The following ABCC1 variants were observed in gnomAD, a reference collection of about 807,000 sequenced individuals.
ABCC1 encodes multidrug resistance-associated protein 1.
Under a neutral mutation model 172.9 loss-of-function variants are expected in ABCC1, and 83 were observed. That is an observed-to-expected ratio of 0.48 (90% CI 0.40 to 0.58). The LOEUF is 0.58. Ranked by LOEUF, ABCC1 falls within the 20% of genes least tolerant of loss-of-function variation. The probability of loss-of-function intolerance (pLI) is 0.00; values close to 1 mark genes in which losing one functional copy is unlikely to be tolerated. For synonymous variants in ABCC1, 937 were observed against 825.2 expected (o/e 1.14, Z -2.32); for missense variants, 1,817 against 2,002.7 (o/e 0.91, Z 1.77).
chr16:16,113,307 G>C (rs1336082349), intron 22 of ABCC1, among the ~76,000 whole-genome samples: 2 of 152,164 alleles, frequency 1.3e-5, no homozygotes, highest in Admixed American at 6.6e-5. Flanking sequence ...CCAGAGCTGT[G>C]CTGTCTGGTG....
chr16:16,111,795 A>G (rs1596521447), intron 22 of ABCC1, among the ~76,000 whole-genome samples: 1 of 152,270 alleles, frequency 6.6e-6, no homozygotes, highest in Middle Eastern at 3.4e-3. Flanking sequence ...GGTAGACGGG[A>G]GGAGTGCTCC....
At chr16:16,083,244 T>C (rs2050874068) in intron 16 of ABCC1, 122 bp from the exon 17 acceptor site, 3 of 986,808 alleles carry the variant, frequency 3.0e-6, no homozygotes, top group Middle Eastern at 6.6e-4. Flanking sequence ...GCCAAAGCAA[T>C]AGTTGTGATG....
intron 5 of ABCC1, among the ~76,000 whole-genome samples, chr16:16,024,008 T>A (rs1360533499): frequency 6.6e-6 from 1 of 151,966 alleles, no homozygotes; most frequent in African/African-American, 2.4e-5. Flanking sequence ...CACCTGAGAC[T>A]AGGAGCTCAA....
intron 5 of ABCC1, among the ~76,000 whole-genome samples, chr16:16,027,105 G>A (rs868364390): frequency 3.3e-5 from 5 of 152,104 alleles, no homozygotes; most frequent in Non-Finnish European, 7.4e-5. Flanking sequence ...TCTATCCTGC[G>A]TGTTGATGCC....
Position 16,090,564 on chromosome 16 carries a change from C to A in ABCC1, c.2620C>A (p.Gln874Lys). The change falls in exon 19 of 31, where the codon CAG becomes AAG. Residue 874 changes from glutamine (Q) to lysine (K), a missense_variant. Transcript: ENST00000399410. The stretch of plus-strand genomic sequence containing the variant: ...CCTGCGTACCTATGCCAGCACAGAG[C>A]AGGAGCAGGATGCAGAGGAGAACGG... ...EFLRTYASTE[Q>K]EQDAEENGVT... The A allele has an allele frequency of 6.2e-7, 1 of 1,608,750 alleles. No individual in the cohort carries two copies. The highest frequency in any genetic ancestry group is 8.5e-7 in the Non-Finnish European group (1 of 1,176,396).
rs551889832 is a variant in ABCC1, at chr16:16,126,040, C to T, written c.3819+129C>T. The T allele has an allele frequency of 1.2e-4, 68 of 585,786 alleles. No individual in the cohort carries two copies. In the South Asian group the frequency reaches 1.8e-3, roughly 16 times the overall value. 36.3% of individuals were successfully genotyped at this position (585,786 alleles called of 1,614,324 possible). A position where few individuals can be genotyped will look rare whatever the true frequency, so the allele number is the denominator to read the frequency against. On this transcript the variant is annotated intron_variant, in intron 26 of 30. Coordinates refer to ENST00000399410, the MANE Select transcript of ABCC1 (RefSeq NM_004996.4). The stretch of plus-strand genomic sequence containing the variant: ...CTCACCAGGTAGAAGTGCATCTTAA[C>T]GCTTGTCCAGTCTTTTTGCAGCACT...
chr16:16,059,462 A>T lies in ABCC1; in HGVS notation c.1677+3167A>T, dbSNP rs902718492. Among the ~76,000 whole-genome samples the T allele has an allele frequency of 2.6e-5, 4 of 152,110 alleles. No individual in the cohort carries two copies. In the East Asian group the frequency reaches 5.8e-4, roughly 22 times the overall value. ...AGACACCAAAATTTGAATTTTATAG[A>T]ATTTGCATGTGTCATGTAATATTGT... On this transcript the variant is annotated intron_variant, in intron 12 of 30. Coordinates refer to ENST00000399410, the MANE Select transcript of ABCC1 (RefSeq NM_004996.4).
chr16:16,069,093 A>G (rs539079954), intron 13 of ABCC1, among the ~76,000 whole-genome samples: 1 of 150,950 alleles, frequency 6.6e-6, no homozygotes, highest in South Asian at 2.1e-4. Context: ...GGATCTCTTA[A>G]GCCCAGGAGT....
intron 25 of ABCC1, 38 bp downstream of exon 25, chr16:16,124,953 G>A: frequency 2.5e-6 from 4 of 1,613,012 alleles, no homozygotes; most frequent in Non-Finnish European, 3.4e-6. Context: ...ATTAAAGTCT[G>A]TTAATGGGGG....
chr16:16,026,089 C>G (rs1353720612), intron 5 of ABCC1, among the ~76,000 whole-genome samples: 1 of 152,040 alleles, frequency 6.6e-6, no homozygotes, highest in South Asian at 2.1e-4. Context: ...TGACCTACTT[C>G]AGAAGTTAGT....
chr16:16,026,061 T>A (rs1172552776), intron 5 of ABCC1, among the ~76,000 whole-genome samples: 1 of 152,078 alleles, frequency 6.6e-6, no homozygotes, highest in Non-Finnish European at 1.5e-5. Flanking sequence ...TTTTTCCTCC[T>A]TTTTTATTGT....
chr16:16,114,529 C>T (rs1442256821), intron 22 of ABCC1, among the ~76,000 whole-genome samples: 4 of 151,920 alleles, frequency 2.6e-5, no homozygotes, highest in South Asian at 4.1e-4. Context: ...TTAGGAGAGA[C>T]GGAGTTTCAC....
intron 7 of ABCC1, 132 bp from the exon 8 acceptor site, chr16:16,044,318 C>A (rs563768300): frequency 2.0e-5 from 16 of 785,786 alleles, no homozygotes; most frequent in South Asian, 2.0e-4. Flanking sequence ...CTGTGCTGAG[C>A]TGCCTCTTTC....
At chr16:16,011,181 C>G (rs912351169) in intron 3 of ABCC1, among the ~76,000 whole-genome samples, 2 of 151,820 alleles carry the variant, frequency 1.3e-5, no homozygotes, top group Non-Finnish European at 2.9e-5. Context: ...TGCAGTAAGC[C>G]GAGATCGCAC....
chr16:16,118,698 A>G (rs2045015135), intron 23 of ABCC1, among the ~76,000 whole-genome samples: 1 of 151,942 alleles, frequency 6.6e-6, no homozygotes, highest in South Asian at 2.1e-4. Flanking sequence ...ACCAAGTTCT[A>G]GGTGCACTGT....
chr16:16,011,429 G>T (rs983777638), intron 3 of ABCC1, among the ~76,000 whole-genome samples: 2 of 152,054 alleles, frequency 1.3e-5, no homozygotes, highest in African/African-American at 4.8e-5. Context: ...GAAAGACAAC[G>T]TGGAGCCAGG....
At chr16:16,069,410 T>C (rs2050247267) in intron 13 of ABCC1, among the ~76,000 whole-genome samples, 1 of 151,762 alleles carries the variant, frequency 6.6e-6, no homozygotes, top group African/African-American at 2.4e-5. Context: ...AGAAACAATG[T>C]AGACCATGTA....
At chr16:16,027,056 G>C (rs1204370032) in intron 5 of ABCC1, among the ~76,000 whole-genome samples, 1 of 152,174 alleles carries the variant, frequency 6.6e-6, no homozygotes, top group Non-Finnish European at 1.5e-5. Flanking sequence ...GTCTTGTTAA[G>C]CTGGATATGG....
chr16:16,108,709 C>T (rs1219665407), intron 21 of ABCC1, among the ~76,000 whole-genome samples: 1 of 151,806 alleles, frequency 6.6e-6, no homozygotes, highest in Non-Finnish European at 1.5e-5. Flanking sequence ...GATTCTCCCA[C>T]CTCAGCCTTC....
Sources: allele counts gnomAD v4.1 joint callset (sites outside exome capture counted in the v4.1 genomes callset), GRCh38; gene constraint gnomAD v4.1.1; transcripts MANE v1.5; gene names NCBI Gene and HGNC (gene_info 2026-07-23, HGNC 2026-07-21).